Variants in DGKA observed in about 807,000 individuals in gnomAD.
DGKA encodes diacylglycerol kinase alpha, also known as 80 kDa diacylglycerol kinase.
A neutral mutation model predicts 105.0 loss-of-function variants in DGKA; 35 were observed. That is an observed-to-expected ratio of 0.33 (90% confidence interval 0.25 to 0.44). DGKA has a LOEUF of 0.44. DGKA is among the 20% of genes least tolerant of loss of function. The pLI is 1.00. For synonymous variants in DGKA, 296 were observed against 332.0 expected (o/e 0.89, Z 1.18); for missense variants, 665 against 915.0 (o/e 0.73, Z 3.53).
chr12:55,947,443 A>G (rs1018581958), intron 17 of DGKA, among the ~76,000 whole-genome samples: 3 of 152,182 alleles, frequency 2.0e-5, no homozygotes, highest in Non-Finnish European at 4.4e-5. Context: ...TCCATGTTTT[A>G]CTTCCTAGAC....
rs375304544 is a variant in DGKA at position 55,937,952 on chromosome 12, C to G, written c.275-26C>G. The G allele has an allele frequency of 1.9e-6, 3 of 1,609,788 alleles. No homozygotes were observed. In the African/African-American group the frequency reaches 4.0e-5, roughly 22 times the overall value. Reference sequence around the variant, plus strand: ...TGAGCCAAAGTGGAGGGAGCCCTGACTTCTGATCTGCTTTTTTGTAACCAG... The same window carrying G: ...TGAGCCAAAGTGGAGGGAGCCCTGAGTTCTGATCTGCTTTTTTGTAACCAG... On this transcript the variant is annotated intron_variant, in intron 4 of 23. Transcript: ENST00000331886.
Position 55,936,538 on chromosome 12 carries a change from A to C in DGKA, c.35A>C (p.Asp12Ala). The change falls in exon 2 of 24, where the codon GAT becomes GCT. Residue 12 changes from aspartate (D) to alanine (A), a missense_variant. Around this residue, in one of 3 missense-constraint regions of DGKA, gnomAD observed 504 missense variants for 681.2 expected, o/e 0.74. Transcript: ENST00000331886. ...GAGAGGGGCCTAATAAGCCCCAGTG[A>C]TTTTGCCCAGCTGCAAAAATACATG... ...AKERGLISPS[D>A]FAQLQKYMEY... 1 of 1,614,096 alleles carries C rather than the reference A, an allele frequency of 6.2e-7. No homozygotes were observed. Among genetic ancestry groups the C allele is most frequent in the Non-Finnish European group, 8.5e-7 (1 of 1,180,002 alleles).
At chr12:55,949,968 A>G (rs1592739950) in intron 17 of DGKA, among the ~76,000 whole-genome samples, 1 of 148,176 alleles carries the variant, frequency 6.7e-6, no homozygotes, top group Non-Finnish European at 1.5e-5. Flanking sequence ...ATGCCACCAC[A>G]CCTGGCTAAT....
At chr12:55,939,553 A>G (rs534499392) in intron 9 of DGKA, 24 bp downstream of exon 9, 5 of 1,608,742 alleles carry the variant, frequency 3.1e-6, no homozygotes, top group East Asian at 2.2e-5. Flanking sequence ...GCTGGGAGGT[A>G]GGGGAAGAGG....
chr12:55,939,734 G>A (rs1314182663), intron 9 of DGKA: 1 of 612,254 alleles, frequency 1.6e-6, no homozygotes, highest in Non-Finnish European at 2.9e-6. Context: ...TAAAAAAGTT[G>A]GTGCAAGAAA....
rs1885028734 is a variant in DGKA, at chr12:55,937,671, G to A, written c.274+128G>A. 5.5e-6 allele frequency: 7 copies of A among 1,270,308 alleles called. No homozygotes were observed. The South Asian group carries it at 9.8e-5, about 18-fold the overall frequency. The allele number at this position is 1,270,308 out of a possible 1,614,324, so 78.7% of individuals were successfully genotyped here. A position where few individuals can be genotyped will look rare whatever the true frequency, so the allele number is the denominator to read the frequency against. ...GGGGGAAATTGGTGGAGAATAGTCA[G>A]GCTGGTCTAGGAGCTAAAGGGAGGA... On this transcript the variant is annotated intron_variant, in intron 4 of 23. Coordinates refer to ENST00000331886, the MANE Select transcript of DGKA (RefSeq NM_001345.5).
upstream of DGKA, chr12:55,927,735 A>G (rs748888174): frequency 6.5e-7 from 1 of 1,539,972 alleles, no homozygotes; most frequent in Non-Finnish European, 8.7e-7. Flanking sequence ...CTGTCTCCGT[A>G]GCCGCAGGGC....
At chr12:55,939,368 C>T (rs1357791352) in intron 8 of DGKA, 47 bp from the exon 9 acceptor site, 2 of 1,613,548 alleles carry the variant, frequency 1.2e-6, no homozygotes, top group African/African-American at 2.7e-5. Flanking sequence ...CCCGGATTGG[C>T]CCTGTAAGGG....
At chr12:55,934,976 C>T (rs969637043) in intron 1 of DGKA, among the ~76,000 whole-genome samples, 7 of 152,060 alleles carry the variant, frequency 4.6e-5, no homozygotes, top group East Asian at 1.9e-4. Flanking sequence ...GACCAGATGG[C>T]GGGGTGTGAG....
intron 3 of DGKA, 136 bp downstream of exon 3, chr12:55,937,226 G>A: frequency 8.1e-7 from 1 of 1,228,540 alleles, no homozygotes; most frequent in Middle Eastern, 2.0e-4. Flanking sequence ...TTGTCACTCT[G>A]ACTATTGCTT....
chr12:55,953,731 C>G lies in DGKA; in HGVS notation c.2171C>G (p.Pro724Arg). The G allele has an allele frequency of 6.2e-7, 1 of 1,614,172 alleles. No homozygotes were observed. Among genetic ancestry groups the G allele is most frequent in the Non-Finnish European group, 8.5e-7 (1 of 1,180,018 alleles). Residue 724 changes from proline to arginine, a missense_variant, in exon 24 of 24, where the codon CCC (proline) becomes CGC (arginine). Pro to Arg is a moderately radical substitution (Grantham distance 103). Around this residue, in one of 3 missense-constraint regions of DGKA, gnomAD observed 158 missense variants for 213.4 expected, o/e 0.74. Transcript: ENST00000331886. ...KNQMPMLMGP[P>R]PRSTNFFGFL... ...CAGATGCCCATGCTCATGGGCCCAC[C>G]CCCCCGCTCCACCAATTTCTTTGGC...
At chr12:55,947,049 G>A (rs1312285341) in intron 17 of DGKA, among the ~76,000 whole-genome samples, 2 of 147,464 alleles carry the variant, frequency 1.4e-5, no homozygotes, top group Non-Finnish European at 3.0e-5. Context: ...GCAATGGCGC[G>A]ATCTCGGCTC....
intron 4 of DGKA, 131 bp from the exon 5 acceptor site, chr12:55,937,847 G>A (rs1442186793): frequency 3.5e-6 from 3 of 851,588 alleles, no homozygotes; most frequent in African/African-American, 3.4e-5. Flanking sequence ...CAGTGACAGA[G>A]CAAGACCCTG....
At chr12:55,953,264 A>T (rs540092887) in intron 22 of DGKA, 86 bp from the exon 23 acceptor site, 5 of 1,611,274 alleles carry the variant, frequency 3.1e-6, no homozygotes, top group Non-Finnish European at 4.2e-6. Flanking sequence ...TCCCTCAATG[A>T]CAAAAGGTCT....
chr12:55,930,357 G>GTTT (rs1156510868), upstream of DGKA: 195 of 71,802 alleles, frequency 2.7e-3, 30 homozygotes, highest in East Asian at 7.1e-3. Context: ...CAAGGGCCTT[G>GTTT]TTTTTTTTTT....
chr12:55,938,322 A>T, intron 5 of DGKA, 189 bp from the exon 6 acceptor site: 2 of 766,932 alleles, frequency 2.6e-6, no homozygotes, highest in South Asian at 1.7e-5. Context: ...GTCTCCCCTG[A>T]CACATTCACT....
chr12:55,937,081 C>T lies in DGKA; in HGVS notation c.129C>T (p.Val43=), dbSNP rs7966319. Residue 43 remains valine (V), a synonymous_variant, in exon 3 of 24, where the codon GTC becomes GTT. Coordinates refer to ENST00000331886, the MANE Select transcript of DGKA (RefSeq NM_001345.5). ...LFEDGEMAKY[V]QGDAIGYEGF... ...AGGATGGCGAGATGGCTAAATATGT[C>T]CAAGGAGATGTGAGTGGCAGCTGGG... The T allele has an allele frequency of 6.2e-7, 1 of 1,614,062 alleles. No homozygotes were observed.
rs949692585 is a variant in DGKA at position 55,932,313 on chromosome 12, C to T, written c.-82+969C>T. On this transcript the variant is annotated intron_variant, in intron 1 of 23. Coordinates refer to ENST00000331886, the MANE Select transcript of DGKA (RefSeq NM_001345.5). This position sits in a 1 kb window ranked among gnomAD's most constrained non-coding sequence, Gnocchi z 4.3. ...GTGCAGCGGGAGGGCTGGGCCCGAA[C>T]CCGGTGGGTAACGTTTCCCAGACCT... The T allele has an allele frequency of 5.4e-6, 3 of 557,212 alleles. No homozygotes were observed. Among genetic ancestry groups the T allele is most frequent in the Non-Finnish European group, 6.5e-6 (2 of 309,778 alleles). The allele number at this position is 557,212 out of a possible 1,614,324, so 34.5% of individuals were successfully genotyped here.
chr12:55,938,036 A>G lies in DGKA; in HGVS notation c.333A>G (p.Pro111=). The G allele has an allele frequency of 2.5e-6, 4 of 1,614,148 alleles. No homozygotes were observed. The highest frequency in any genetic ancestry group is 3.4e-6 in the Non-Finnish European group (4 of 1,180,020). Residue 111 remains proline, a synonymous_variant, in exon 5 of 24, where the codon CCA becomes CCG. Coordinates refer to ENST00000331886, the MANE Select transcript of DGKA (RefSeq NM_001345.5). ...CYFSLLEGGR[P]EDKLEFTFKL... ...TTTCCCTTCTGGAGGGTGGTCGGCC[A>G]GAAGACAAGTTAGAATGTGAGTTGC...
Sources: gnomAD v4.1 joint callset for allele counts (sites outside exome capture counted in the v4.1 genomes callset) on GRCh38, gnomAD v4.1.1 for gene constraint, gnomAD v4.1.1 regional missense constraint, Gnocchi (gnomAD v3.1) non-coding constraint, MANE v1.5 for transcripts, NCBI Gene and HGNC (gene_info 2026-07-23, HGNC 2026-07-21) for gene names.